DCDC1: variants seen among roughly 807,000 people sequenced by gnomAD.
DCDC1 encodes doublecortin domain-containing protein 1.
DCDC1 carries 200 observed loss-of-function variants against 178.3 expected under a neutral mutation model. The ratio of observed to expected loss-of-function variants is 1.12; its 90% CI spans 1.00 to 1.26. DCDC1 has a LOEUF of 1.26. Ranked by LOEUF, DCDC1 falls within the 50% of genes most tolerant of loss-of-function variation. The pLI, the probability that DCDC1 is intolerant of heterozygous loss-of-function variation, is 0.00. For missense variants in DCDC1, 1,983 were observed against 1,749.2 expected, an observed-to-expected ratio of 1.13 and a Z score of -2.38; for synonymous variants, 690 against 604.8, an observed-to-expected ratio of 1.14 and a Z score of -2.07.
intron 22 of DCDC1, among the ~76,000 whole-genome samples, chr11:30,931,444 C>A (rs1946916420): frequency 6.6e-6 from 1 of 151,892 alleles, no homozygotes; most frequent in Admixed American, 6.6e-5. Context: ...ATGTTGAGTT[C>A]AATTATTTCA....
chr11:30,888,076 GAGAGAGAGAA>G (rs1489615764), intron 36 of DCDC1, among the ~76,000 whole-genome samples: 18 of 108,616 alleles, frequency 1.7e-4, no homozygotes, highest in African/African-American at 5.5e-4. Context: ...GAGAGAGAGA[GAGAGAGAGAA>G]AGAAAGAAAG....
At chr11:31,285,814 A>G (rs1235719801) in intron 7 of DCDC1, among the ~76,000 whole-genome samples, 1 of 152,122 alleles carries the variant, frequency 6.6e-6, no homozygotes, top group Non-Finnish European at 1.5e-5. Flanking sequence ...GCTCACATAT[A>G]AATATAAAGG....
intron 1 of DCDC1, among the ~76,000 whole-genome samples, chr11:31,341,422 G>GATAC (rs1398432468): frequency 1.5e-4 from 23 of 150,014 alleles, no homozygotes; most frequent in Non-Finnish European, 2.4e-4. Flanking sequence ...TAGATAGATA[G>GATAC]ATAGATAGAT....
At chr11:31,365,279 G>A (rs951135605) in intron 1 of DCDC1, among the ~76,000 whole-genome samples, 5 of 152,210 alleles carry the variant, frequency 3.3e-5, no homozygotes, top group African/African-American at 1.2e-4. Context: ...CTAGTTTTTG[G>A]TGGTTTTTCT....
At chr11:31,216,438 G>C (rs1389313399) in intron 9 of DCDC1, among the ~76,000 whole-genome samples, 2 of 152,024 alleles carry the variant, frequency 1.3e-5, no homozygotes, top group East Asian at 1.9e-4. Flanking sequence ...GCAGAACTTT[G>C]ACTTGTTCAG....
chr11:31,328,231 G>A lies in DCDC1; in HGVS notation c.50C>T (p.Ser17Phe). Residue 17 changes from serine to phenylalanine, a missense_variant, in exon 3 of 39, where the codon TCC (serine) becomes TTC (phenylalanine). Transcript: ENST00000684477. ...EDHREALSQSSLSLLTEAMEV... is the reference protein window; with the variant it reads ...EDHREALSQSFLSLLTEAMEV... Reference sequence around the variant, plus strand: ...CATTGCTTCAGTCAAGAGGGATAAGGAAGACTGAGATAGTGCTTCTCTGTG... The same window carrying A: ...CATTGCTTCAGTCAAGAGGGATAAGAAAGACTGAGATAGTGCTTCTCTGTG... The A allele has an allele frequency of 1.2e-6, 2 of 1,607,168 alleles. No individual in the cohort carries two copies. The highest frequency in any genetic ancestry group is 2.2e-5 in the East Asian group (1 of 44,684).
At chr11:31,322,202 T>C (rs908118595) in intron 3 of DCDC1, among the ~76,000 whole-genome samples, 4 of 152,224 alleles carry the variant, frequency 2.6e-5, no homozygotes, top group Non-Finnish European at 4.4e-5. Flanking sequence ...GTGGTCGATA[T>C]GCAGGAATTA....
intron 2 of DCDC1, among the ~76,000 whole-genome samples, 185 bp downstream of exon 2, chr11:31,335,262 G>A (rs1003586462): frequency 1.7e-4 from 26 of 152,312 alleles, no homozygotes; most frequent in Non-Finnish European, 2.2e-4. Context: ...TTGGAAAAGC[G>A]CAGTATTTGG....
At chr11:31,158,457 CA>C (rs372335849) in intron 9 of DCDC1, among the ~76,000 whole-genome samples, 3 of 152,184 alleles carry the variant, frequency 2.0e-5, no homozygotes, top group African/African-American at 7.2e-5. Flanking sequence ...CCATGTTGTA[CA>C]ATAGATTTCA....
intron 8 of DCDC1, chr11:31,263,082 A>T: frequency 3.1e-6 from 5 of 1,612,622 alleles, no homozygotes; most frequent in Non-Finnish European, 4.2e-6. Context: ...TCCTGTTTTG[A>T]TAAGTAATTC....
At chr11:30,950,202 G>T (rs1285328686) in intron 21 of DCDC1, among the ~76,000 whole-genome samples, 3 of 152,106 alleles carry the variant, frequency 2.0e-5, no homozygotes, top group Non-Finnish European at 4.4e-5. Flanking sequence ...GTGAGAATAA[G>T]AAGAAAGAGA....
chr11:31,289,337 G>T (rs1241304348), intron 7 of DCDC1, among the ~76,000 whole-genome samples: 2 of 151,970 alleles, frequency 1.3e-5, no homozygotes, highest in Admixed American at 6.6e-5. Flanking sequence ...TTTCAAAATG[G>T]CCAGGGAAGA....
intron 9 of DCDC1, among the ~76,000 whole-genome samples, chr11:31,187,137 G>T (rs1417785979): frequency 1.3e-5 from 2 of 152,200 alleles, no homozygotes; most frequent in Non-Finnish European, 2.9e-5. Flanking sequence ...TTTGGAACTT[G>T]TTTGAGAACA....
chr11:31,244,817 T>C (rs1249732734), intron 8 of DCDC1, among the ~76,000 whole-genome samples: 3 of 151,754 alleles, frequency 2.0e-5, no homozygotes, highest in Non-Finnish European at 3.0e-5. Flanking sequence ...TCCTTTTGTT[T>C]CATCTCAAGT....
In DCDC1 at chr11:31,214,816, A is replaced by C. The variant is rs1033720576; in HGVS notation, c.1221+26634T>G. 4.6e-5 allele frequency among the ~76,000 whole-genome samples: 7 copies of C among 152,188 alleles called. No individual in the cohort carries two copies. In the East Asian group the frequency reaches 1.4e-3, roughly 29 times the overall value. ...GATTATTTGTTCTATAATACAGATA[A>C]ATTTCAAATATATGTTAATTTAGGG... On this transcript the variant is annotated intron_variant, in intron 9 of 38. Transcript: ENST00000684477.
chr11:30,908,205 T>C (rs1417368611), intron 29 of DCDC1, among the ~76,000 whole-genome samples: 5 of 152,136 alleles, frequency 3.3e-5, no homozygotes, highest in Admixed American at 3.3e-4. Context: ...GGAAAACCTA[T>C]GAAGATTCTG....
At chr11:31,109,357 C>T (rs1334571444) in intron 12 of DCDC1, among the ~76,000 whole-genome samples, 1 of 151,768 alleles carries the variant, frequency 6.6e-6, no homozygotes, top group Admixed American at 6.6e-5. Flanking sequence ...ATGTAAAAAG[C>T]CGGGGAGACA....
chr11:31,086,729 A>T (rs1464575773), intron 17 of DCDC1, among the ~76,000 whole-genome samples: 1 of 152,160 alleles, frequency 6.6e-6, no homozygotes, highest in African/African-American at 2.4e-5. Context: ...TTCTTAAGCT[A>T]TTCTTGCACT....
Position 31,307,817 on chromosome 11 carries a change from C to T in DCDC1, c.256G>A (p.Ala86Thr), listed in dbSNP as rs760267107. 1.2e-6 allele frequency: 2 copies of T among 1,614,114 alleles called. No individual in the cohort carries two copies. The highest frequency in any genetic ancestry group is 1.7e-5 in the Admixed American group (1 of 60,014). ...QFGPNRLVHS[A>T]AVSEGSGLQD... ...AGTCCTGACCCTTCTGATACTGCTG[C>T]TGAATGCACGAGTCTGTTGGGGCCA... The change falls in exon 4 of 39, where the codon GCA (alanine) becomes ACA (threonine). Residue 86 changes from alanine (A) to threonine (T), a missense_variant. By Grantham distance (58) the Ala-to-Thr change is moderately conservative. Transcript: ENST00000684477.
Sources: allele counts gnomAD v4.1 joint callset (sites outside exome capture counted in the v4.1 genomes callset), GRCh38; gene constraint gnomAD v4.1.1; transcripts MANE v1.5; gene names NCBI Gene and HGNC (gene_info 2026-07-23, HGNC 2026-07-21).